Variants in ASB11 observed in about 807,000 individuals in gnomAD.
ASB11 encodes ankyrin repeat and SOCS box containing 11.
A neutral mutation model predicts 20.1 loss-of-function variants in ASB11; 17 were observed. That is an observed-to-expected ratio of 0.85 (90% CI 0.58 to 1.27). The LOEUF is 1.27. Ranked by LOEUF, ASB11 falls within the 50% of genes most tolerant of loss-of-function variation. ASB11 has a pLI of 0.00. For synonymous variants in ASB11, 107 were observed against 105.6 expected, an observed-to-expected ratio of 1.01 and a Z score of -0.08; for missense variants, 259 against 256.9, an observed-to-expected ratio of 1.01 and a Z score of -0.06.
At chrX:15,314,442 T>C (rs149205453) in intron 1 of ASB11, 54 of 1,200,111 alleles carry the variant, frequency 4.5e-5, no homozygotes, top group Non-Finnish European at 5.9e-5. Flanking sequence ...TGATACGTTC[T>C]GAAACTTCAC....
Position 15,283,510 on chromosome X carries a change from G to A in ASB11, c.967C>T (p.Gln323Ter). 8.3e-7 allele frequency: 1 copy of A among 1,211,066 alleles called. No homozygotes were observed. The highest frequency in any genetic ancestry group is 1.1e-6 in the Non-Finnish European group (1 of 894,992). Reference sequence around the variant, plus strand: ...CTTCCCAGGAACACTTAGGACTATTGGTATAGGAGGAATCGTTCGAGTGGC... The same window carrying A: ...CTTCCCAGGAACACTTAGGACTATTAGTATAGGAGGAATCGTTCGAGTGGC... ...PEPLERFLLY[Q>*] The change falls in exon 7 of 7, where the codon CAA (glutamine) becomes TAA (stop). Residue 323 changes from glutamine to a stop codon, truncating the protein, a stop_gained. Coordinates refer to ENST00000480796, the MANE Select transcript of ASB11 (RefSeq NM_080873.3). LOFTEE classifies it high-confidence loss of function.
chrX:15,288,306 C>T (rs1927444540), intron 5 of ASB11, among the ~76,000 whole-genome samples: 1 of 111,617 alleles, frequency 9.0e-6, no homozygotes, highest in Admixed American at 9.6e-5. Flanking sequence ...CTTGCTTTCC[C>T]GTATAAACTG....
chrX:15,314,507 G>A (rs1273391568), intron 1 of ASB11: 2 of 1,184,472 alleles, frequency 1.7e-6, no homozygotes, highest in Non-Finnish European at 2.3e-6. Context: ...CGTCCTTGGA[G>A]GTCTTATTTC....
At chrX:15,286,579 C>A (rs1035866882) in intron 6 of ASB11, among the ~76,000 whole-genome samples, 1 of 104,045 alleles carries the variant, frequency 9.6e-6, no homozygotes, top group Non-Finnish European at 1.9e-5. Flanking sequence ...GCAGAAAAAT[C>A]GCTTGAACCC....
intron 1 of ASB11, among the ~76,000 whole-genome samples, chrX:15,309,337 T>C (rs1921346457): frequency 9.2e-6 from 1 of 108,323 alleles, no homozygotes; most frequent in Non-Finnish European, 1.9e-5. Flanking sequence ...ACAAGGGATC[T>C]AGGATGGGCG....
intron 6 of ASB11, 122 bp from the exon 7 acceptor site, chrX:15,283,751 A>G (rs1927263089): frequency 7.4e-6 from 6 of 808,245 alleles, no homozygotes; most frequent in Non-Finnish European, 1.1e-5. Context: ...GGATCTGTAT[A>G]GGAACTATAG....
chrX:15,289,362 C>A, intron 5 of ASB11, 142 bp downstream of exon 5: 1 of 614,507 alleles, frequency 1.6e-6, no homozygotes, highest in Admixed American at 3.7e-5. Context: ...ACACTCATTT[C>A]TCTAGAGAAG....
intron 1 of ASB11, among the ~76,000 whole-genome samples, chrX:15,303,837 A>G (rs1028191070): frequency 8.9e-6 from 1 of 112,556 alleles, no homozygotes; most frequent in African/African-American, 3.2e-5. Context: ...TGTATGATTA[A>G]TAAGTAGGCA....
chrX:15,293,090 T>A lies in ASB11; in HGVS notation c.520+80A>T, dbSNP rs187416519. On this transcript the variant is annotated intron_variant, in intron 4 of 6. Coordinates refer to ENST00000480796, the MANE Select transcript of ASB11 (RefSeq NM_080873.3). ...GAGGAAGATCAGGGTCACCCTTGAA[T>A]GACTAACACTAGACCATTGATTCAT... 22 of 1,100,390 alleles carry A rather than the reference T, an allele frequency of 2.0e-5. No homozygotes were observed. In the Admixed American group the frequency reaches 6.1e-4, roughly 30 times the overall value. 90.7% of individuals were successfully genotyped at this position (1,100,390 alleles called of 1,213,427 possible).
intron 1 of ASB11, chrX:15,314,256 G>C: frequency 1.0e-6 from 1 of 1,002,847 alleles, no homozygotes; most frequent in Non-Finnish European, 1.3e-6. Context: ...GAAAGCCCTT[G>C]CCCAAATTGA....
chrX:15,300,723 G>A (rs1921036956), intron 2 of ASB11, among the ~76,000 whole-genome samples: 1 of 111,875 alleles, frequency 8.9e-6, no homozygotes, highest in African/African-American at 3.2e-5. Context: ...TTTGACTAAT[G>A]TACCATAGCT....
chrX:15,313,030 G>A (rs990974703), intron 1 of ASB11, among the ~76,000 whole-genome samples: 1 of 110,259 alleles, frequency 9.1e-6, no homozygotes, highest in African/African-American at 3.4e-5. Flanking sequence ...TGTTAACAGT[G>A]GTATCAAAAG....
intron 1 of ASB11, among the ~76,000 whole-genome samples, chrX:15,310,170 GTC>G (rs1284996491): frequency 4.6e-5 from 5 of 109,472 alleles, no homozygotes; most frequent in African/African-American, 1.3e-4. Context: ...TCCCAACAGA[GTC>G]TCTCACTCTT....
chrX:15,302,591 G>T (rs1459030717), intron 2 of ASB11, 137 bp downstream of exon 2: 1 of 536,209 alleles, frequency 1.9e-6, no homozygotes, highest in Non-Finnish European at 3.1e-6. Flanking sequence ...AGTGAGGTAT[G>T]AGAGGACATA....
chrX:15,311,825 T>A, intron 1 of ASB11, among the ~76,000 whole-genome samples: 1 of 111,281 alleles, frequency 9.0e-6, no homozygotes, highest in Non-Finnish European at 1.9e-5. Flanking sequence ...TTGTTTTATA[T>A]TTCCATCTAG....
intron 1 of ASB11, among the ~76,000 whole-genome samples, chrX:15,308,675 T>C (rs1489281210): frequency 8.9e-6 from 1 of 112,040 alleles, no homozygotes; most frequent in Admixed American, 9.4e-5. Flanking sequence ...GGCTAGGAAG[T>C]ATCAGAAATA....
rs749929531 is a variant in ASB11 at position 15,302,587 on chromosome X, G to A, written c.261+141C>T. The A allele has an allele frequency of 7.7e-4, 398 of 517,254 alleles. 3 individuals carry two copies. In the South Asian group the frequency reaches 0.011, roughly 15 times the overall value. 42.6% of individuals were successfully genotyped at this position (517,254 alleles called of 1,213,427 possible). On this transcript the variant is annotated intron_variant, in intron 2 of 6. Coordinates refer to ENST00000480796, the MANE Select transcript of ASB11 (RefSeq NM_080873.3). ...AGGCAGGAGGAGGAGAGGCAGTGAG[G>A]TATGAGAGGACATACGTGCCTCGAA...
At chrX:15,314,057 C>CAAAAA (rs760402919) in intron 1 of ASB11, among the ~76,000 whole-genome samples, 3 of 34,169 alleles carry the variant, frequency 8.8e-5, no homozygotes, top group African/African-American at 2.2e-4. Flanking sequence ...GACTCCATCT[C>CAAAAA]AAAAAAAAAA....
chrX:15,301,528 C>A (rs1314207225), intron 2 of ASB11, among the ~76,000 whole-genome samples: 1 of 108,030 alleles, frequency 9.3e-6, no homozygotes, highest in Non-Finnish European at 1.9e-5. Context: ...GAGAGAGAGA[C>A]AGAGAGAGAG....
Sources: gnomAD v4.1 joint callset for allele counts (sites outside exome capture counted in the v4.1 genomes callset) on GRCh38, gnomAD v4.1.1 for gene constraint, MANE v1.5 for transcripts, NCBI Gene and HGNC (gene_info 2026-07-23, HGNC 2026-07-21) for gene names.